EPB41: variants seen among roughly 807,000 people sequenced by gnomAD.
EPB41 encodes the protein protein 4.1.
EPB41 carries 65 observed loss-of-function variants against 108.0 expected under a neutral mutation model. The ratio of observed to expected loss-of-function variants is 0.60; its 90% CI spans 0.49 to 0.74. EPB41 has a LOEUF of 0.74. EPB41 is among the 30% of genes least tolerant of loss of function. The pLI is 0.00. For missense variants in EPB41, 875 were observed against 1,037.0 expected (o/e 0.84, Z 2.15); for synonymous variants, 336 against 358.9 (o/e 0.94, Z 0.72).
chr1:28,994,432 A>G (rs936702302), intron 3 of EPB41, among the ~76,000 whole-genome samples: 4 of 151,920 alleles, frequency 2.6e-5, no homozygotes, highest in Admixed American at 1.3e-4. Flanking sequence ...CGGCCTCCCA[A>G]AGTGCTGGGT....
intron 16 of EPB41, among the ~76,000 whole-genome samples, chr1:29,080,180 G>A (rs935556689): frequency 2.7e-5 from 4 of 150,896 alleles, no homozygotes; most frequent in South Asian, 4.2e-4. Flanking sequence ...GTGCAGTGGC[G>A]CAATCTTGGC....
intron 1 of EPB41, among the ~76,000 whole-genome samples, chr1:28,940,438 G>A (rs1376124239): frequency 3.3e-5 from 5 of 152,126 alleles, no homozygotes; most frequent in African/African-American, 1.2e-4. Flanking sequence ...GATCACCTGA[G>A]GACGGGAGTT....
chr1:29,052,730 A>C (rs533254939), intron 11 of EPB41, among the ~76,000 whole-genome samples: 1 of 152,338 alleles, frequency 6.6e-6, no homozygotes, highest in South Asian at 2.1e-4. Context: ...AAAATGCCTC[A>C]TGGAAGAAAT....
chr1:29,066,032 T>C (rs1275551873), intron 16 of EPB41: 1 of 152,272 alleles, frequency 6.6e-6, no homozygotes, highest in East Asian at 1.9e-4. Context: ...TATTAAACTT[T>C]TAATACACTG....
intron 16 of EPB41, chr1:29,069,705 G>A (rs1650326824): frequency 6.5e-6 from 1 of 153,718 alleles, no homozygotes; most frequent in South Asian, 2.1e-4. Context: ...ACAGACTGTT[G>A]TTCTGTCCCC....
chr1:28,918,876 G>A (rs541443616), intron 1 of EPB41, among the ~76,000 whole-genome samples: 3 of 152,234 alleles, frequency 2.0e-5, no homozygotes, highest in Non-Finnish European at 4.4e-5. Flanking sequence ...TTCTTGGTAT[G>A]TCACTGGTGG....
Position 29,097,832 on chromosome 1 carries a change from T to C in EPB41, c.2210T>C (p.Val737Ala), listed in dbSNP as rs1285967890. The C allele has an allele frequency of 6.2e-7, 1 of 1,614,000 alleles. No individual in the cohort carries two copies. Among genetic ancestry groups the C allele is most frequent in the Non-Finnish European group, 8.5e-7 (1 of 1,179,904 alleles). Residue 737 changes from valine to alanine, a missense_variant, in exon 17 of 21, where the codon GTC (valine) becomes GCC (alanine). Coordinates refer to ENST00000343067, the MANE Select transcript of EPB41 (RefSeq NM_001376013.1). ...EGPPLVKTQTVTISDNANAVK... is the reference protein window; with the variant it reads ...EGPPLVKTQTATISDNANAVK... ...CCTCCCCTGGTGAAGACACAAACTG[T>C]CACCATCTCAGATAATGCCAATGCT...
intron 1 of EPB41, among the ~76,000 whole-genome samples, chr1:28,945,910 A>G (rs889864702): frequency 1.3e-5 from 2 of 152,202 alleles, no homozygotes; most frequent in South Asian, 2.1e-4. Context: ...TGGTTTTGCA[A>G]GGTGGCCTCA....
intron 1 of EPB41, among the ~76,000 whole-genome samples, chr1:28,924,224 T>G (rs1180674048): frequency 2.0e-5 from 3 of 152,222 alleles, no homozygotes; most frequent in African/African-American, 7.2e-5. Context: ...TAGACAGCTT[T>G]ACTACAACTT....
Position 28,973,594 on chromosome 1 carries a change from T to C in EPB41, c.-7-13837T>C, listed in dbSNP as rs149176838. Among the ~76,000 whole-genome samples, 570 of 152,262 alleles carry C rather than the reference T, an allele frequency of 3.7e-3. 6 individuals carry two copies. Among genetic ancestry groups the C allele is most frequent in the African/African-American group, 0.013 (531 of 41,566 alleles). ...TATTTTTTTAGAAACAGGATCTTGC[T>C]GTGTTGCCCAGGCTGGTTTGGAACT... On this transcript the variant is annotated intron_variant, in intron 1 of 20. Coordinates refer to ENST00000343067, the MANE Select transcript of EPB41 (RefSeq NM_001376013.1).
At chr1:29,052,260 G>A (rs1011851734) in intron 11 of EPB41, among the ~76,000 whole-genome samples, 1 of 152,122 alleles carries the variant, frequency 6.6e-6, no homozygotes, top group African/African-American at 2.4e-5. Flanking sequence ...TCTATGCACT[G>A]GATGCCAGTA....
chr1:28,901,118 A>G (rs1434862956), intron 1 of EPB41, among the ~76,000 whole-genome samples: 1 of 151,324 alleles, frequency 6.6e-6, no homozygotes. Flanking sequence ...TTTAGTAGAG[A>G]TGGGGTTTCA....
chr1:29,082,815 G>A lies in EPB41; in HGVS notation c.2185-14992G>A, dbSNP rs182223497. On this transcript the variant is annotated intron_variant, in intron 16 of 20. Coordinates refer to ENST00000343067, the MANE Select transcript of EPB41 (RefSeq NM_001376013.1). Reference sequence around the variant, plus strand: ...ACCTAATAGTTAAAATTTTGCATCCGGCATGGATTTTGAAGCTGTTTGCTT... The same window carrying A: ...ACCTAATAGTTAAAATTTTGCATCCAGCATGGATTTTGAAGCTGTTTGCTT... Among the ~76,000 whole-genome samples, 28 of 152,218 alleles carry A rather than the reference G, an allele frequency of 1.8e-4. 1 individual carries two copies. The East Asian group carries it at 4.1e-3, about 22-fold the overall frequency.
Position 29,039,422 on chromosome 1 carries a change from T to C in EPB41, c.1632T>C (p.Asp544=). The change falls in exon 11 of 21, where the codon GAT becomes GAC. Residue 544 remains aspartate, a synonymous_variant. Coordinates refer to ENST00000343067, the MANE Select transcript of EPB41 (RefSeq NM_001376013.1). The part of the protein sequence containing the change: ...TASKRASRSL[D]GAAAVDSADR... The stretch of plus-strand genomic sequence containing the variant: ...GTAAACGGGCGTCCCGGAGCCTCGA[T>C]GGAGGTTTGTATTGAATATTAATGA... The C allele has an allele frequency of 6.2e-7, 1 of 1,613,830 alleles. No homozygotes were observed. Among genetic ancestry groups the C allele is most frequent in the Non-Finnish European group, 8.5e-7 (1 of 1,179,926 alleles).
At chr1:28,968,068 T>C (rs541717235) in intron 1 of EPB41, among the ~76,000 whole-genome samples, 1 of 152,086 alleles carries the variant, frequency 6.6e-6, no homozygotes, top group Admixed American at 6.6e-5. Context: ...TTTTTAAAAC[T>C]TCGTTTTTGG....
intron 17 of EPB41, among the ~76,000 whole-genome samples, chr1:29,105,163 A>C (rs531433126): frequency 1.3e-5 from 2 of 152,220 alleles, no homozygotes; most frequent in East Asian, 3.9e-4. Flanking sequence ...GCTTTCTATC[A>C]GTATTGCTTA....
At chr1:28,977,287 G>A (rs746160638) in intron 1 of EPB41, among the ~76,000 whole-genome samples, 2 of 151,736 alleles carry the variant, frequency 1.3e-5, no homozygotes, top group Non-Finnish European at 2.9e-5. Context: ...TTTTTGTGAA[G>A]TTTTCAACTC....
intron 16 of EPB41, among the ~76,000 whole-genome samples, chr1:29,075,079 C>A (rs887567969): frequency 1.4e-5 from 2 of 148,060 alleles, no homozygotes; most frequent in Non-Finnish European, 3.0e-5. Context: ...ATGACATGAA[C>A]CTGGGAGGCG....
intron 1 of EPB41, among the ~76,000 whole-genome samples, chr1:28,953,788 C>T (rs1019477112): frequency 1.3e-5 from 2 of 152,170 alleles, no homozygotes; most frequent in African/African-American, 4.8e-5. Context: ...TGGATGGACA[C>T]CAGGGTCCGA....
Sources: allele counts gnomAD v4.1 joint callset (sites outside exome capture counted in the v4.1 genomes callset), GRCh38; gene constraint gnomAD v4.1.1; transcripts MANE v1.5; gene names NCBI Gene and HGNC (gene_info 2026-07-23, HGNC 2026-07-21).